The following TNIK variants were observed in gnomAD, a reference collection of about 807,000 sequenced individuals.
TNIK encodes the protein TRAF2 and NCK-interacting protein kinase.
In TNIK, 49 loss-of-function variants were observed where a neutral mutation model predicts 191.3. The ratio of observed to expected loss-of-function variants is 0.26; its 90% CI spans 0.20 to 0.32. TNIK has a LOEUF of 0.32. Among genes scored for constraint, TNIK ranks in the 10% least tolerant of loss-of-function variants. The pLI is 1.00. For synonymous variants in TNIK, 594 were observed against 600.9 expected (o/e 0.99, Z 0.17); for missense variants, 1,155 against 1,702.3 (o/e 0.68, Z 5.66).
intron 2 of TNIK, among the ~76,000 whole-genome samples, chr3:171,255,446 G>T (rs1039932715): frequency 6.6e-6 from 1 of 152,098 alleles, no homozygotes; most frequent in Admixed American, 6.5e-5. Flanking sequence ...TTCCTGTTTT[G>T]CAAACTCCGG....
chr3:171,289,901 C>CA (rs143704401), intron 2 of TNIK, among the ~76,000 whole-genome samples: 14,280 of 77,456 alleles, frequency 0.18, 1,119 homozygotes, highest in South Asian at 0.21. Flanking sequence ...GACTCCGTCT[C>CA]AAAAAAAAAA....
intron 1 of TNIK, among the ~76,000 whole-genome samples, chr3:171,444,512 T>G (rs1042359140): frequency 2.0e-5 from 3 of 149,544 alleles, no homozygotes; most frequent in Admixed American, 1.4e-4. Flanking sequence ...GAAATCGACA[T>G]CAGAAGGATG....
At chr3:171,335,753 G>A (rs1756896422) in intron 2 of TNIK, among the ~76,000 whole-genome samples, 1 of 152,126 alleles carries the variant, frequency 6.6e-6, no homozygotes, top group Non-Finnish European at 1.5e-5. Flanking sequence ...CTTGGTACTG[G>A]CGTGTGTTTT....
intron 5 of TNIK, among the ~76,000 whole-genome samples, chr3:171,192,947 T>G (rs1738235867): frequency 2.0e-5 from 3 of 152,214 alleles, no homozygotes; most frequent in Admixed American, 2.0e-4. Flanking sequence ...TTTTCTTAAG[T>G]GCTTTAATTT....
At chr3:171,209,064 G>GGTGTGT (rs61264225) in intron 4 of TNIK, among the ~76,000 whole-genome samples, 25,027 of 141,846 alleles carry the variant, frequency 0.18, 2,235 homozygotes, top group East Asian at 0.33. Context: ...CTTTGGAAGG[G>GGTGTGT]GTGTGTGTGT....
chr3:171,076,474 A>T (rs1483618199), intron 28 of TNIK, among the ~76,000 whole-genome samples: 1 of 152,194 alleles, frequency 6.6e-6, no homozygotes, highest in Non-Finnish European at 1.5e-5. Context: ...TAAAATTTCA[A>T]ATGTGTCTCA....
At chr3:171,310,925 T>TA (rs1753951345) in intron 2 of TNIK, among the ~76,000 whole-genome samples, 4 of 152,174 alleles carry the variant, frequency 2.6e-5, no homozygotes, top group Admixed American at 2.6e-4. Flanking sequence ...ATCAAGCACT[T>TA]ATGAAACATG....
intron 1 of TNIK, among the ~76,000 whole-genome samples, chr3:171,440,657 G>C (rs906317003): frequency 6.6e-6 from 1 of 152,222 alleles, no homozygotes; most frequent in African/African-American, 2.4e-5. Flanking sequence ...TTAATAAATG[G>C]ATACAAGGAT....
At chr3:171,198,893 A>G (rs994099279) in intron 4 of TNIK, among the ~76,000 whole-genome samples, 1 of 152,204 alleles carries the variant, frequency 6.6e-6, no homozygotes, top group Admixed American at 6.5e-5. Context: ...TGAAAAGTAC[A>G]TTGACCAGGC....
intron 1 of TNIK, among the ~76,000 whole-genome samples, chr3:171,459,432 G>A (rs1455535453): frequency 1.3e-5 from 2 of 152,196 alleles, no homozygotes; most frequent in Non-Finnish European, 2.9e-5. Context: ...CTGAGAGGGC[G>A]CCCGGGCGCG....
At chr3:171,339,968 C>G (rs373708235) in intron 2 of TNIK, among the ~76,000 whole-genome samples, 1 of 151,826 alleles carries the variant, frequency 6.6e-6, no homozygotes, top group Admixed American at 6.6e-5. Context: ...ATTATATACA[C>G]AAATTATGAA....
rs1266830314 is a variant in TNIK at position 171,217,486 on chromosome 3, A to G, written c.181-6245T>C. Reference sequence around the variant, plus strand: ...ACAGAATCATTTGTCACAAACCTCAACATCACACAACATACCCAAGCATCA... The same window carrying G: ...ACAGAATCATTTGTCACAAACCTCAGCATCACACAACATACCCAAGCATCA... On this transcript the variant is annotated intron_variant, in intron 3 of 32. Coordinates refer to ENST00000436636, the MANE Select transcript of TNIK (RefSeq NM_015028.4). 2.6e-5 allele frequency among the ~76,000 whole-genome samples: 4 copies of G among 152,218 alleles called. No homozygotes were observed. The East Asian group carries it at 5.8e-4, about 22-fold the overall frequency.
chr3:171,205,135 A>G (rs1180188437), intron 4 of TNIK, among the ~76,000 whole-genome samples: 2 of 152,208 alleles, frequency 1.3e-5, no homozygotes, highest in Non-Finnish European at 2.9e-5. Context: ...GAGGCCTTGG[A>G]ATAAGTATGT....
In TNIK at chr3:171,367,749, C is replaced by T. The variant is rs141539457; in HGVS notation, c.123+1871G>A. On this transcript the variant is annotated intron_variant, in intron 2 of 32. Coordinates refer to ENST00000436636, the MANE Select transcript of TNIK (RefSeq NM_015028.4). ...CCTCCCAAAGTGCTGGGATTACAGG[C>T]GTGAGCCACCGCACCTGGCCAGGCC... Among the ~76,000 whole-genome samples, 458 of 152,256 alleles carry T rather than the reference C, an allele frequency of 3.0e-3. 3 individuals are homozygous for T. The highest frequency in any genetic ancestry group is 0.028 in the East Asian group (147 of 5,178).
intron 2 of TNIK, among the ~76,000 whole-genome samples, chr3:171,275,066 C>CT (rs1041386611): frequency 6.6e-6 from 1 of 152,140 alleles, no homozygotes; most frequent in Admixed American, 6.5e-5. Context: ...AATAATCTCT[C>CT]TTTTTTCTCC....
chr3:171,375,344 A>G (rs1717066294), intron 1 of TNIK, among the ~76,000 whole-genome samples: 1 of 152,240 alleles, frequency 6.6e-6, no homozygotes, highest in Non-Finnish European at 1.5e-5. Flanking sequence ...AAAAGCCAAT[A>G]AAACTAATCT....
chr3:171,397,238 C>A (rs913076059), intron 1 of TNIK, among the ~76,000 whole-genome samples: 1 of 152,212 alleles, frequency 6.6e-6, no homozygotes, highest in African/African-American at 2.4e-5. Context: ...CTACTCAACA[C>A]TTGTCTTGTT....
chr3:171,332,800 G>A (rs1756535112), intron 2 of TNIK, among the ~76,000 whole-genome samples: 1 of 152,208 alleles, frequency 6.6e-6, no homozygotes, highest in Admixed American at 6.5e-5. Context: ...GAACTGAAGT[G>A]TTATATTTGG....
At chr3:171,258,285 GA>G (rs1747140550) in intron 2 of TNIK, among the ~76,000 whole-genome samples, 1 of 152,138 alleles carries the variant, frequency 6.6e-6, no homozygotes, top group African/African-American at 2.4e-5. Flanking sequence ...ATAGAACAAA[GA>G]AAATGCACAT....
Sources: allele counts gnomAD v4.1 joint callset (sites outside exome capture counted in the v4.1 genomes callset), GRCh38; gene constraint gnomAD v4.1.1; transcripts MANE v1.5; gene names NCBI Gene and HGNC (gene_info 2026-07-23, HGNC 2026-07-21).